ADAMTS2: variants seen among roughly 807,000 people sequenced by gnomAD.
ADAMTS2 encodes the protein A disintegrin and metalloproteinase with thrombospondin motifs 2.
Under a neutral mutation model 123.0 loss-of-function variants are expected in ADAMTS2, and 50 were observed. That is an observed-to-expected ratio of 0.41 (90% CI 0.32 to 0.51). ADAMTS2 has a LOEUF of 0.51. Among genes scored for constraint, ADAMTS2 ranks in the 20% least tolerant of loss-of-function variants. The pLI, the probability that ADAMTS2 is intolerant of heterozygous loss-of-function variation, is 0.35. For synonymous variants in ADAMTS2, 678 were observed against 695.4 expected (o/e 0.98, Z 0.39); for missense variants, 1,494 against 1,705.2 (o/e 0.88, Z 2.18).
rs557915929 is a variant in ADAMTS2 at position 179,128,915 on chromosome 5, A to G, written c.2458-797T>C. ...ACAGCGAAATCGCCCCCAAAATAGCACAAAATGTGATGTATGTGACACTCA... is the reference window on the plus strand; with the variant it reads ...ACAGCGAAATCGCCCCCAAAATAGCGCAAAATGTGATGTATGTGACACTCA... On this transcript the variant is annotated intron_variant, in intron 16 of 21. Transcript: ENST00000251582. This position sits in a 1 kb window ranked among gnomAD's most constrained non-coding sequence, Gnocchi z 4.9. 2.0e-5 allele frequency among the ~76,000 whole-genome samples: 3 copies of G among 152,238 alleles called. No homozygotes were observed. Among genetic ancestry groups the G allele is most frequent in the East Asian group, 3.9e-4 (2 of 5,172 alleles).
rs574347386 is a variant in ADAMTS2 at position 179,250,964 on chromosome 5, C to T, written c.688+21947G>A. ...ACAGGAGAGAAGTCCAGAGATCCTG[C>T]TCACTCTAGGGAAGGAGAAAGACCT... is the stretch of plus-strand genomic sequence containing the variant. On this transcript the variant is annotated intron_variant, in intron 3 of 21. Transcript: ENST00000251582. Among the ~76,000 whole-genome samples the T allele has an allele frequency of 3.9e-5, 6 of 152,334 alleles. No individual in the cohort carries two copies. In the South Asian group the frequency reaches 1.0e-3, roughly 26 times the overall value.
intron 8 of ADAMTS2, 141 bp from the exon 9 acceptor site, chr5:179,153,764 C>T: frequency 1.5e-6 from 2 of 1,322,640 alleles, no homozygotes; most frequent in East Asian, 2.5e-5. Flanking sequence ...GCCTCAGTTT[C>T]CCTGCTGCAT....
chr5:179,166,371 G>A (rs1299192699), intron 5 of ADAMTS2, among the ~76,000 whole-genome samples: 1 of 152,242 alleles, frequency 6.6e-6, no homozygotes, highest in African/African-American at 2.4e-5. Flanking sequence ...ATGAGGTGGA[G>A]AGGGCAGATC....
At chr5:179,144,495 C>A (rs1239153739) in intron 10 of ADAMTS2, among the ~76,000 whole-genome samples, 1 of 152,166 alleles carries the variant, frequency 6.6e-6, no homozygotes, top group African/African-American at 2.4e-5. Flanking sequence ...TGGGAAGACA[C>A]TTCACCATTT....
rs1757225596 is a variant in ADAMTS2 at position 179,322,859 on chromosome 5, C to G, written c.534+20908G>C. 2.0e-5 allele frequency among the ~76,000 whole-genome samples: 3 copies of G among 152,358 alleles called. No individual in the cohort carries two copies. The South Asian group carries it at 6.2e-4, about 32-fold the overall frequency. On this transcript the variant is annotated intron_variant, in intron 2 of 21. Transcript: ENST00000251582. ...TCACACACAAGCTGGCGCCAGACCCCTAACTGCAGGTGTCCCTAAGGAGAG... is the reference window on the plus strand; with the variant it reads ...TCACACACAAGCTGGCGCCAGACCCGTAACTGCAGGTGTCCCTAAGGAGAG...
intron 3 of ADAMTS2, among the ~76,000 whole-genome samples, chr5:179,219,516 G>A (rs1765076485): frequency 6.6e-6 from 1 of 152,244 alleles, no homozygotes; most frequent in Admixed American, 6.5e-5. Flanking sequence ...ACCTCCCAGT[G>A]TGGGGCGAGG....
chr5:179,240,704 G>A (rs551580613), intron 3 of ADAMTS2, among the ~76,000 whole-genome samples: 3 of 152,372 alleles, frequency 2.0e-5, no homozygotes, highest in South Asian at 2.1e-4. Flanking sequence ...ATGAGTTCCC[G>A]TGACGCGTGT....
In ADAMTS2 at chr5:179,158,848, G is replaced by T. The variant is rs1763536641; in HGVS notation, c.1007C>A (p.Ser336Tyr). 6.2e-7 allele frequency: 1 copy of T among 1,614,070 alleles called. No individual in the cohort carries two copies. Among genetic ancestry groups the T allele is most frequent in the Admixed American group, 1.7e-5 (1 of 60,012 alleles). The part of the protein sequence containing the change: ...SMSLIEIGNP[S>Y]QSLENVCRWA... The stretch of plus-strand genomic sequence containing the variant: ...GCGGCAGACATTCTCCAGGCTCTGA[G>T]AGGGGTTCCCGATCTCGATGAGGCT... The change falls in exon 6 of 22, where the codon TCT becomes TAT. Residue 336 changes from serine to tyrosine, a missense_variant. Physicochemically the swap from Ser to Tyr is moderately radical, Grantham distance 144. This residue lies in a region of ADAMTS2 where 70 missense variants were observed against 85.3 expected (regional missense o/e 0.82). Coordinates refer to ENST00000251582, the MANE Select transcript of ADAMTS2 (RefSeq NM_014244.5). The surrounding 1 kb of genome is among the most constrained non-coding windows in gnomAD (Gnocchi z 5.0).
intron 3 of ADAMTS2, among the ~76,000 whole-genome samples, chr5:179,249,701 G>A (rs1381855698): frequency 3.3e-5 from 5 of 152,134 alleles, no homozygotes; most frequent in Non-Finnish European, 4.4e-5. Context: ...TTGACTCAAG[G>A]AGAAATGGAA....
At chr5:179,294,991 C>A (rs1756289952) in intron 2 of ADAMTS2, among the ~76,000 whole-genome samples, 1 of 152,178 alleles carries the variant, frequency 6.6e-6, no homozygotes, top group Non-Finnish European at 1.5e-5. Flanking sequence ...GGCGAACGGG[C>A]CTGTGGGGAA....
In ADAMTS2 at chr5:179,217,830, G is replaced by GC. The variant is rs1193913145; in HGVS notation, c.689-10116_689-10115insG. 3.2e-4 allele frequency among the ~76,000 whole-genome samples: 23 copies of GC among 71,482 alleles called. 1 individual carries two copies. Among genetic ancestry groups the GC allele is most frequent in the African/African-American group, 1.5e-3 (22 of 14,256 alleles). The allele number at this position is 71,482 out of a possible 152,430, so 46.9% of individuals were successfully genotyped here. On this transcript the variant is annotated intron_variant, in intron 3 of 21. Transcript: ENST00000251582. ...GGGCACACTCACTAGGGGATGGCCT[G>GC]AGGGCAGACAGGCACACTCACTAGG...
At chr5:179,270,433 C>G (rs758730469) in intron 3 of ADAMTS2, among the ~76,000 whole-genome samples, 2 of 152,208 alleles carry the variant, frequency 1.3e-5, no homozygotes, top group Non-Finnish European at 2.9e-5. Context: ...AAACTGCCAG[C>G]CAGCACCTCC....
chr5:179,143,796 A>G (rs1763211587), intron 10 of ADAMTS2, among the ~76,000 whole-genome samples: 1 of 152,170 alleles, frequency 6.6e-6, no homozygotes, highest in Non-Finnish European at 1.5e-5. Context: ...TCTTGATTTC[A>G]TCGCCCATTT....
rs142754936 is a variant in ADAMTS2, at chr5:179,229,662, C to T, written c.689-21947G>A. ...CCGCAGGAAGCCCTTCCTCTGCAGCCATTCTTGAAATCACCTCCAAGAAAA... is the reference window on the plus strand; with the variant it reads ...CCGCAGGAAGCCCTTCCTCTGCAGCTATTCTTGAAATCACCTCCAAGAAAA... On this transcript the variant is annotated intron_variant, in intron 3 of 21. Coordinates refer to ENST00000251582, the MANE Select transcript of ADAMTS2 (RefSeq NM_014244.5). Among the ~76,000 whole-genome samples, 47 of 152,306 alleles carry T rather than the reference C, an allele frequency of 3.1e-4. 1 individual carries two copies. In the East Asian group the frequency reaches 9.1e-3, roughly 29 times the overall value.
chr5:179,279,618 G>A (rs539655076), intron 2 of ADAMTS2, among the ~76,000 whole-genome samples: 1 of 152,338 alleles, frequency 6.6e-6, no homozygotes, highest in South Asian at 2.1e-4. Flanking sequence ...GCCTCTCCCA[G>A]CTCCCCAGGG....
At chr5:179,152,343 G>C in intron 9 of ADAMTS2, 88 bp from the exon 10 acceptor site, 4 of 1,274,956 alleles carry the variant, frequency 3.1e-6, no homozygotes, top group Non-Finnish European at 4.5e-6. Context: ...TGGAACCTGA[G>C]ATGCCCCAGT....
intron 5 of ADAMTS2, among the ~76,000 whole-genome samples, chr5:179,169,475 C>G (rs540798078): frequency 5.6e-4 from 86 of 152,340 alleles, no homozygotes; most frequent in Non-Finnish European, 1.0e-3. Flanking sequence ...TCTCTGGACC[C>G]AGGTAGGTCT....
In ADAMTS2 at chr5:179,291,419, G is replaced by A. The variant is rs59567885; in HGVS notation, c.535-18355C>T. 7.4e-3 allele frequency among the ~76,000 whole-genome samples: 1,120 copies of A among 152,302 alleles called. 13 individuals carry two copies. The highest frequency in any genetic ancestry group is 0.026 in the African/African-American group (1,062 of 41,554). ...AGGGCTGGCTGCATCCACCTGCTTG[G>A]AGTGCTTTCAGAGGGAAGCTGTTGC... is the stretch of plus-strand genomic sequence containing the variant. On this transcript the variant is annotated intron_variant, in intron 2 of 21. Coordinates refer to ENST00000251582, the MANE Select transcript of ADAMTS2 (RefSeq NM_014244.5).
intron 3 of ADAMTS2, among the ~76,000 whole-genome samples, chr5:179,258,332 C>G (rs1766123513): frequency 6.6e-6 from 1 of 152,152 alleles, no homozygotes; most frequent in Admixed American, 6.5e-5. Flanking sequence ...TGAGCTCCTC[C>G]CCGCAGCCCA....
Sources: allele counts gnomAD v4.1 joint callset (sites outside exome capture counted in the v4.1 genomes callset), GRCh38; gene constraint gnomAD v4.1.1; regional missense constraint gnomAD v4.1.1; non-coding constraint Gnocchi (gnomAD v3.1); transcripts MANE v1.5; gene names NCBI Gene and HGNC (gene_info 2026-07-23, HGNC 2026-07-21).